Variants in FBN2 observed in about 807,000 individuals in gnomAD.
FBN2 encodes the protein fibrillin-2.
In FBN2, 105 loss-of-function variants were observed where a neutral mutation model predicts 355.6. The ratio of observed to expected loss-of-function variants is 0.30; its 90% CI spans 0.25 to 0.35. The LOEUF is 0.35. Ranked by LOEUF, FBN2 falls within the 10% of genes least tolerant of loss-of-function variation. FBN2 has a pLI of 1.00. For missense variants in FBN2, 3,280 were observed against 3,758.7 expected, an observed-to-expected ratio of 0.87 and a Z score of 3.33; for synonymous variants, 1,350 against 1,301.2, an observed-to-expected ratio of 1.04 and a Z score of -0.81.
At chr5:128,284,665 C>A (rs945064544) in intron 55 of FBN2, among the ~76,000 whole-genome samples, 2 of 152,198 alleles carry the variant, frequency 1.3e-5, no homozygotes, top group Admixed American at 1.3e-4. Context: ...AGGCACTACA[C>A]TCGGGCTTTC....
intron 5 of FBN2, among the ~76,000 whole-genome samples, chr5:128,490,790 T>C (rs1294356886): frequency 6.6e-6 from 1 of 152,256 alleles, no homozygotes; most frequent in South Asian, 2.1e-4. Context: ...CATCTCTTTT[T>C]TGTTCCTAAT....
At chr5:128,482,897 C>T (rs1227610763) in intron 5 of FBN2, among the ~76,000 whole-genome samples, 3 of 152,096 alleles carry the variant, frequency 2.0e-5, no homozygotes, top group Non-Finnish European at 4.4e-5. Context: ...AATATACGAA[C>T]AAGGTCATGA....
chr5:128,531,430 G>A (rs1375167483), intron 2 of FBN2, among the ~76,000 whole-genome samples: 1 of 151,962 alleles, frequency 6.6e-6, no homozygotes, highest in Non-Finnish European at 1.5e-5. Flanking sequence ...GAGGAGGTGA[G>A]GGATAAAGGA....
At chr5:128,265,819 A>G (rs1185294119) in intron 62 of FBN2, among the ~76,000 whole-genome samples, 2 of 152,206 alleles carry the variant, frequency 1.3e-5, no homozygotes, top group Admixed American at 1.3e-4. Flanking sequence ...CTTTCAAAGA[A>G]CTTTCATTCT....
chr5:128,490,008 A>G (rs1377555560), intron 5 of FBN2, among the ~76,000 whole-genome samples: 1 of 152,178 alleles, frequency 6.6e-6, no homozygotes, highest in East Asian at 1.9e-4. Context: ...CTTGACACTA[A>G]TTCAGTGAAA....
chr5:128,463,617 C>T (rs1033350992), intron 6 of FBN2, among the ~76,000 whole-genome samples: 7 of 152,112 alleles, frequency 4.6e-5, no homozygotes, highest in African/African-American at 7.2e-5. Context: ...GACACATTTA[C>T]AAAATTATGC....
intron 62 of FBN2, among the ~76,000 whole-genome samples, chr5:128,265,734 T>C (rs917435431): frequency 1.8e-4 from 27 of 152,262 alleles, no homozygotes; most frequent in African/African-American, 6.3e-4. Context: ...CAGAACGTTG[T>C]AAATTCTTTG....
At chr5:128,275,010 A>G (rs956861128) in intron 59 of FBN2, among the ~76,000 whole-genome samples, 2 of 152,230 alleles carry the variant, frequency 1.3e-5, no homozygotes, top group African/African-American at 2.4e-5. Context: ...AGTATAGTAC[A>G]TGGCTGATTA....
intron 15 of FBN2, among the ~76,000 whole-genome samples, chr5:128,370,294 C>G (rs1193114717): frequency 6.6e-6 from 1 of 152,098 alleles, no homozygotes; most frequent in African/African-American, 2.4e-5. Context: ...CAGTATACCT[C>G]CAGAGATAAC....
Position 128,536,382 on chromosome 5 carries a change from G to T in FBN2, c.337+20C>A. On this transcript the variant is annotated intron_variant, in intron 2 of 64. Transcript: ENST00000262464. ...GGCCGAGTGCGCTGCCCCAAGCTGC[G>T]ATCCCTGCCAAGCACTCACGGACAA... The T allele has an allele frequency of 1.2e-6, 2 of 1,607,112 alleles. No individual in the cohort carries two copies. The highest frequency in any genetic ancestry group is 1.7e-6 in the Non-Finnish European group (2 of 1,173,944).
At chr5:128,386,949 G>C (rs1373802130) in intron 11 of FBN2, among the ~76,000 whole-genome samples, 1 of 152,050 alleles carries the variant, frequency 6.6e-6, no homozygotes, top group Non-Finnish European at 1.5e-5. Context: ...AATAATTCAG[G>C]CTTCATAGAA....
chr5:128,393,048 C>T, intron 10 of FBN2, 87 bp downstream of exon 10: 1 of 1,076,806 alleles, frequency 9.3e-7, no homozygotes, highest in Admixed American at 1.7e-5. Flanking sequence ...TTCATACAAC[C>T]CTTTTGAAAA....
intron 11 of FBN2, among the ~76,000 whole-genome samples, chr5:128,383,468 T>C (rs1752287971): frequency 6.6e-6 from 1 of 151,964 alleles, no homozygotes; most frequent in South Asian, 2.1e-4. Flanking sequence ...ATTTAATAAA[T>C]AAAGCTTCGT....
chr5:128,450,696 C>A (rs1214720348), intron 6 of FBN2, among the ~76,000 whole-genome samples: 1 of 151,198 alleles, frequency 6.6e-6, no homozygotes, highest in African/African-American at 2.4e-5. Context: ...TGATAAAATA[C>A]AAAAAAATAG....
chr5:128,444,509 TA>T (rs1754015120), intron 7 of FBN2, among the ~76,000 whole-genome samples: 1 of 152,268 alleles, frequency 6.6e-6, no homozygotes, highest in African/African-American at 2.4e-5. Context: ...TTCTAATCAC[TA>T]CTTCTTCCAA....
At chr5:128,291,391 G>C (rs1162022103) in intron 49 of FBN2, 138 bp downstream of exon 49, 2 of 912,008 alleles carry the variant, frequency 2.2e-6, no homozygotes, top group Admixed American at 3.9e-5. Flanking sequence ...TTATGTTTGA[G>C]ACCTAAATTT....
Position 128,537,634 on chromosome 5 carries a change from C to A in FBN2, c.-31G>T. 1 of 1,598,414 alleles carries A rather than the reference C, an allele frequency of 6.3e-7. No homozygotes were observed. Among genetic ancestry groups the A allele is most frequent in the Non-Finnish European group, 8.5e-7 (1 of 1,172,792 alleles). ...GCGCCGAAAGCGCGCGGCCGTAGACCCGCGGAGAGGGAGTGATCAAAGACA... is the reference window on the plus strand; with the variant it reads ...GCGCCGAAAGCGCGCGGCCGTAGACACGCGGAGAGGGAGTGATCAAAGACA... On this transcript the variant is annotated 5_prime_UTR_variant, in exon 1 of 65. Coordinates refer to ENST00000262464, the MANE Select transcript of FBN2 (RefSeq NM_001999.4).
intron 5 of FBN2, among the ~76,000 whole-genome samples, chr5:128,478,286 A>G (rs1321259908): frequency 6.6e-6 from 1 of 152,236 alleles, no homozygotes; most frequent in Admixed American, 6.5e-5. Flanking sequence ...TAATTGTTCA[A>G]AAAAGTTCCA....
intron 17 of FBN2, among the ~76,000 whole-genome samples, chr5:128,366,075 T>G (rs1029275056): frequency 3.9e-5 from 6 of 152,046 alleles, no homozygotes; most frequent in Non-Finnish European, 7.4e-5. Context: ...TCTTCTTTTT[T>G]TAACTTAAAT....
Sources: gnomAD v4.1 joint callset for allele counts (sites outside exome capture counted in the v4.1 genomes callset) on GRCh38, gnomAD v4.1.1 for gene constraint, MANE v1.5 for transcripts, NCBI Gene and HGNC (gene_info 2026-07-23, HGNC 2026-07-21) for gene names.